LOC128462377: variants seen among roughly 807,000 people sequenced by gnomAD.
chr16:89,362,839 T>C, the LOC128462377 span, among the ~76,000 whole-genome samples: 1 of 152,134 alleles, frequency 6.6e-6, no homozygotes, highest in East Asian at 1.9e-4. Context: ...TACTTCCTCC[T>C]TCCTTTGTTC....
the LOC128462377 span, among the ~76,000 whole-genome samples, chr16:89,398,287 G>A: frequency 6.6e-6 from 1 of 150,674 alleles, no homozygotes; most frequent in Non-Finnish European, 1.5e-5. Flanking sequence ...TGTGACCTCA[G>A]CACTCTGGGA....
At chr16:89,328,149 T>G in the LOC128462377 span, among the ~76,000 whole-genome samples, 5 of 98,252 alleles carry the variant, frequency 5.1e-5, no homozygotes. Context: ...AAAGCCGCAA[T>G]GAGATATTAC....
At chr16:89,377,535 A>G in the LOC128462377 span, among the ~76,000 whole-genome samples, 2 of 152,154 alleles carry the variant, frequency 1.3e-5, no homozygotes, top group Admixed American at 6.5e-5. Context: ...CTCAAGAGCT[A>G]AGAGATACCA....
At chr16:89,399,947 G>A in the LOC128462377 span, among the ~76,000 whole-genome samples, 1 of 152,186 alleles carries the variant, frequency 6.6e-6, no homozygotes, top group Admixed American at 6.5e-5. Context: ...TAAGCCGAGT[G>A]ACACAAGAGA....
chr16:89,415,617 C>T, the LOC128462377 span, among the ~76,000 whole-genome samples: 15 of 151,358 alleles, frequency 9.9e-5, no homozygotes, highest in Admixed American at 8.6e-4. Context: ...CAATGGAGAA[C>T]AGGCATTCAA....
the LOC128462377 span, among the ~76,000 whole-genome samples, chr16:89,413,899 A>C: frequency 6.6e-6 from 1 of 152,134 alleles, no homozygotes; most frequent in Non-Finnish European, 1.5e-5. Flanking sequence ...GGGTGGTACC[A>C]AAAACAGCAG....
chr16:89,334,976 G>A, the LOC128462377 span, among the ~76,000 whole-genome samples: 2 of 152,124 alleles, frequency 1.3e-5, no homozygotes, highest in African/African-American at 4.8e-5. Flanking sequence ...GGAGGTCCAG[G>A]AGGAGATCCC....
the LOC128462377 span, among the ~76,000 whole-genome samples, chr16:89,375,185 C>T: frequency 1.4e-4 from 22 of 152,176 alleles, no homozygotes; most frequent in Non-Finnish European, 3.1e-4. Context: ...CCTGTGCTAC[C>T]GCGGTGAGCT....
chr16:89,410,458 C>A, the LOC128462377 span, among the ~76,000 whole-genome samples: 2 of 152,158 alleles, frequency 1.3e-5, no homozygotes, highest in Non-Finnish European at 1.5e-5. Flanking sequence ...AGCCCTCAGA[C>A]CAGACTAAGA....
At chr16:89,413,116 C>A in the LOC128462377 span, among the ~76,000 whole-genome samples, 1 of 152,198 alleles carries the variant, frequency 6.6e-6, no homozygotes, top group Non-Finnish European at 1.5e-5. Flanking sequence ...CCCATTTTCA[C>A]ATGAACAGGT....
the LOC128462377 span, among the ~76,000 whole-genome samples, chr16:89,335,743 C>T: frequency 2.6e-5 from 4 of 152,224 alleles, no homozygotes; most frequent in Admixed American, 1.3e-4. Context: ...CATCACTGAC[C>T]GTGACAGGCC....
the LOC128462377 span, chr16:89,370,858 C>G: frequency 6.6e-6 from 1 of 152,422 alleles, no homozygotes; most frequent in Non-Finnish European, 1.5e-5. Context: ...ACAGCAGCCT[C>G]TCAAAAGGCC....
the LOC128462377 span, among the ~76,000 whole-genome samples, chr16:89,382,118 T>C: frequency 6.6e-6 from 1 of 152,074 alleles, no homozygotes; most frequent in Non-Finnish European, 1.5e-5. Context: ...GGACGCGGCC[T>C]CCCAGCAGCT....
the LOC128462377 span, among the ~76,000 whole-genome samples, chr16:89,387,884 C>T: frequency 0.58 from 87,111 of 149,784 alleles, 25,504 homozygotes; most frequent in Middle Eastern, 0.73. Context: ...GGGTGGTGGT[C>T]GGGTCTCCCC....
At chr16:89,387,866 G>A in the LOC128462377 span, among the ~76,000 whole-genome samples, 14 of 151,276 alleles carry the variant, frequency 9.3e-5, no homozygotes, top group East Asian at 7.8e-4. Context: ...TTAGCCAGGC[G>A]TGGTGGTGGG....
the LOC128462377 span, among the ~76,000 whole-genome samples, chr16:89,405,081 A>C: frequency 6.6e-6 from 1 of 152,090 alleles, no homozygotes; most frequent in African/African-American, 2.4e-5. Context: ...ACACGCTCTC[A>C]CAGGACAACT....
chr16:89,324,548 G>A, the LOC128462377 span: 1 of 455,954 alleles, frequency 2.2e-6, no homozygotes, highest in East Asian at 6.9e-5. Flanking sequence ...TCAGTGGACG[G>A]GGAGAGGCCG....
At chr16:89,341,795 G>C in the LOC128462377 span, among the ~76,000 whole-genome samples, 4 of 152,108 alleles carry the variant, frequency 2.6e-5, no homozygotes, top group Admixed American at 1.3e-4. Flanking sequence ...AGAGATGGCA[G>C]AGTCTGGCAC....
the LOC128462377 span, among the ~76,000 whole-genome samples, chr16:89,320,912 C>T: frequency 2.6e-5 from 4 of 152,226 alleles, no homozygotes; most frequent in Non-Finnish European, 5.9e-5. Flanking sequence ...AATCCTTCTA[C>T]GGGGCTGGCA....
Sources: allele counts gnomAD v4.1 joint callset (sites outside exome capture counted in the v4.1 genomes callset), GRCh38; gene constraint gnomAD v4.1.1; transcripts MANE v1.5.